Variants in ARHGAP28 observed in about 807,000 individuals in gnomAD.
The protein encoded by ARHGAP28 is Rho GTPase activating protein 28, also known as rho GTPase-activating protein 28.
ARHGAP28 carries 56 observed loss-of-function variants against 90.7 expected under a neutral mutation model. The observed-to-expected ratio is 0.62, with a 90% CI of 0.50 to 0.77. The LOEUF is 0.77. Among genes scored for constraint, ARHGAP28 ranks in the 30% least tolerant of loss-of-function variants. The probability of loss-of-function intolerance (pLI) is 0.00; values close to 1 mark genes in which losing one functional copy is unlikely to be tolerated. For synonymous variants in ARHGAP28, 308 were observed against 323.3 expected, an observed-to-expected ratio of 0.95 and a Z score of 0.51; for missense variants, 869 against 900.9, an observed-to-expected ratio of 0.96 and a Z score of 0.45.
intron 1 of ARHGAP28, among the ~76,000 whole-genome samples, chr18:6,783,266 C>G (rs888960761): frequency 6.6e-6 from 1 of 151,566 alleles, no homozygotes; most frequent in Non-Finnish European, 1.5e-5. Flanking sequence ...TCGCCCCCCT[C>G]GAGAAGTCCA....
intron 16 of ARHGAP28, among the ~76,000 whole-genome samples, chr18:6,908,231 G>A (rs905663917): frequency 2.6e-5 from 4 of 151,956 alleles, no homozygotes; most frequent in Non-Finnish European, 4.4e-5. Context: ...TCCTCTTCCC[G>A]GGTTCAAGCA....
At chr18:6,736,270 TATAA>T (rs1255371565) in intron 1 of ARHGAP28, among the ~76,000 whole-genome samples, 1 of 152,176 alleles carries the variant, frequency 6.6e-6, no homozygotes, top group Admixed American at 6.6e-5. Flanking sequence ...GTCAGCCAAA[TATAA>T]ATAGTCATCA....
At chr18:6,868,656 C>T (rs917318692) in intron 6 of ARHGAP28, among the ~76,000 whole-genome samples, 6 of 152,000 alleles carry the variant, frequency 3.9e-5, no homozygotes, top group Non-Finnish European at 7.4e-5. Flanking sequence ...GCGCCTCTTC[C>T]GCTTGAGAGG....
At chr18:6,870,764 A>T in intron 7 of ARHGAP28, 32 bp downstream of exon 7, 3 of 1,563,990 alleles carry the variant, frequency 1.9e-6, no homozygotes, top group Non-Finnish European at 8.6e-7. Flanking sequence ...TATTCCAGGA[A>T]CTTCCTGTGA....
intron 1 of ARHGAP28, among the ~76,000 whole-genome samples, chr18:6,793,124 G>A (rs1036192251): frequency 4.6e-5 from 7 of 152,156 alleles, no homozygotes; most frequent in African/African-American, 9.7e-5. Flanking sequence ...CATGACTGGG[G>A]CAAGTGATTT....
intron 1 of ARHGAP28, among the ~76,000 whole-genome samples, chr18:6,776,806 C>G (rs1271401848): frequency 1.3e-5 from 2 of 152,162 alleles, no homozygotes; most frequent in African/African-American, 4.8e-5. Flanking sequence ...CTGCAAAGCC[C>G]TCTTTCTTAA....
intron 1 of ARHGAP28, among the ~76,000 whole-genome samples, chr18:6,768,579 C>A (rs2056218076): frequency 6.6e-6 from 1 of 152,012 alleles, no homozygotes; most frequent in Non-Finnish European, 1.5e-5. Context: ...TATGGAAGAT[C>A]CTTTTCTGGG....
intron 3 of ARHGAP28, among the ~76,000 whole-genome samples, chr18:6,842,833 T>C: frequency 6.6e-6 from 1 of 152,116 alleles, no homozygotes; most frequent in South Asian, 2.1e-4. Context: ...TGAATCAAAA[T>C]ATCCCATATA....
chr18:6,888,454 T>TC (rs2057238909), intron 12 of ARHGAP28, among the ~76,000 whole-genome samples: 3 of 152,148 alleles, frequency 2.0e-5, no homozygotes, highest in Non-Finnish European at 4.4e-5. Flanking sequence ...GTAAGGACCT[T>TC]CCTCCTACAC....
chr18:6,873,596 T>C (rs757024377), intron 8 of ARHGAP28, 22 bp downstream of exon 8: 44 of 1,611,680 alleles, frequency 2.7e-5, no homozygotes, highest in African/African-American at 1.7e-4. Flanking sequence ...GACTGATTGC[T>C]TCTGGCTTTA....
chr18:6,759,785 G>T (rs1411603078), intron 1 of ARHGAP28, among the ~76,000 whole-genome samples: 7 of 137,450 alleles, frequency 5.1e-5, no homozygotes, highest in Non-Finnish European at 1.1e-4. Context: ...CCCTGCTAAA[G>T]AATAACGTGA....
chr18:6,753,067 A>C (rs2056082836), intron 1 of ARHGAP28, among the ~76,000 whole-genome samples: 1 of 151,970 alleles, frequency 6.6e-6, no homozygotes, highest in Non-Finnish European at 1.5e-5. Context: ...AATGTTGCTT[A>C]GTTGAGTGAT....
intron 2 of ARHGAP28, among the ~76,000 whole-genome samples, chr18:6,825,592 C>T (rs1336560676): frequency 6.6e-6 from 1 of 151,752 alleles, no homozygotes; most frequent in African/African-American, 2.4e-5. Flanking sequence ...AGTTTTTGAC[C>T]CATTCCTCTT....
intron 3 of ARHGAP28, among the ~76,000 whole-genome samples, chr18:6,843,042 G>A (rs191563564): frequency 3.3e-4 from 50 of 152,224 alleles, no homozygotes; most frequent in Non-Finnish European, 5.4e-4. Flanking sequence ...AGTCATGGGA[G>A]TCCTGAAGAA....
At chr18:6,829,280 A>G (rs2056697682) in intron 2 of ARHGAP28, among the ~76,000 whole-genome samples, 1 of 152,144 alleles carries the variant, frequency 6.6e-6, no homozygotes. Context: ...AAACACCACA[A>G]GTTCACAATA....
chr18:6,847,220 T>A (rs2056872440), intron 3 of ARHGAP28, among the ~76,000 whole-genome samples: 1 of 152,060 alleles, frequency 6.6e-6, no homozygotes, highest in South Asian at 2.1e-4. Flanking sequence ...TTCACCAGAT[T>A]TCCAGGCAGC....
rs913882546 is a variant in ARHGAP28 at position 6,890,543 on chromosome 18, G to C, written c.1848G>C (p.Glu616Asp). The C allele has an allele frequency of 6.9e-6, 11 of 1,597,376 alleles. No individual in the cohort carries two copies. Among genetic ancestry groups the C allele is most frequent in the Non-Finnish European group, 8.5e-6 (10 of 1,171,102 alleles). ...KLLRRKTLER[E>D]TASPKTSKVL... ...TCAGGAGGAAGACCCTCGAGCGGGA[G>C]GTAAGACAGCAAATGAGGCATGGCG... Residue 616 changes from glutamate to aspartate, a missense_variant and splice_region_variant, in exon 14 of 18, where the codon GAG becomes GAC. Glu to Asp is a conservative substitution (Grantham distance 45). Transcript: ENST00000383472.
At chr18:6,824,718 A>T (rs1337915874) in intron 1 of ARHGAP28, 44 bp from the exon 2 acceptor site, 1 of 1,466,848 alleles carries the variant, frequency 6.8e-7, no homozygotes, top group Admixed American at 2.5e-5. Flanking sequence ...TTATAACATA[A>T]AAATATAACC....
rs73382729 is a variant in ARHGAP28 at position 6,777,786 on chromosome 18, C to A, written c.123-46976C>A. On this transcript the variant is annotated intron_variant, in intron 1 of 17. Coordinates refer to ENST00000383472, the MANE Select transcript of ARHGAP28 (RefSeq NM_001366230.1). ...AATGAATGAATAAAACAGTTGTGAA[C>A]CCTCAGCCTGTAAGTGAGAAGAATG... Among the ~76,000 whole-genome samples the A allele has an allele frequency of 1.7e-3, 266 of 152,194 alleles. 1 individual carries two copies. Among genetic ancestry groups the A allele is most frequent in the African/African-American group, 6.2e-3 (256 of 41,518 alleles).
Sources: gnomAD v4.1 joint callset for allele counts (sites outside exome capture counted in the v4.1 genomes callset) on GRCh38, gnomAD v4.1.1 for gene constraint, MANE v1.5 for transcripts, NCBI Gene and HGNC (gene_info 2026-07-23, HGNC 2026-07-21) for gene names.